NEGR1: variants seen among roughly 807,000 people sequenced by gnomAD.
NEGR1 encodes the protein neuronal growth regulator 1.
NEGR1 carries 10 observed loss-of-function variants against 40.9 expected under a neutral mutation model. The ratio of observed to expected loss-of-function variants is 0.24; its 90% CI spans 0.15 to 0.42. The LOEUF is 0.42. Among genes scored for constraint, NEGR1 ranks in the 10% least tolerant of loss-of-function variants. NEGR1 has a pLI of 1.00. For missense variants in NEGR1, 352 were observed against 438.9 expected, an observed-to-expected ratio of 0.80 and a Z score of 1.77; for synonymous variants, 185 against 166.8, an observed-to-expected ratio of 1.11 and a Z score of -0.84.
At position 71,745,312 on chromosome 1, in the gene NEGR1, G is replaced by A. The variant is rs575060736; in HGVS notation, c.535+30860C>T. Reference sequence around the variant, plus strand: ...CATCTATACATGCTTCCAGTGCAACGTCTAAAAATCTTGGCTGGCTGCTCT... The same window carrying A: ...CATCTATACATGCTTCCAGTGCAACATCTAAAAATCTTGGCTGGCTGCTCT... On this transcript the variant is annotated intron_variant, in intron 3 of 6. Coordinates refer to ENST00000357731, the MANE Select transcript of NEGR1 (RefSeq NM_173808.3). 5.9e-5 allele frequency among the ~76,000 whole-genome samples: 9 copies of A among 152,202 alleles called. No individual in the cohort carries two copies. In the East Asian group the frequency reaches 7.7e-4, roughly 13 times the overall value.
chr1:71,668,330 C>T (rs981948599), intron 4 of NEGR1, among the ~76,000 whole-genome samples: 3 of 152,080 alleles, frequency 2.0e-5, no homozygotes, highest in Non-Finnish European at 2.9e-5. Flanking sequence ...AAGCCTGTGC[C>T]GTTCCCTGGG....
At chr1:72,226,534 G>C (rs1434031508) in intron 1 of NEGR1, among the ~76,000 whole-genome samples, 1 of 151,882 alleles carries the variant, frequency 6.6e-6, no homozygotes, top group Non-Finnish European at 1.5e-5. Context: ...ATTCCTAACT[G>C]TCCAAGGAGA....
intron 2 of NEGR1, among the ~76,000 whole-genome samples, chr1:71,795,098 G>GA (rs911619732): frequency 6.6e-6 from 1 of 151,954 alleles, no homozygotes; most frequent in Non-Finnish European, 1.5e-5. Context: ...AAGTTGATGA[G>GA]AAAATGAAAA....
chr1:71,617,425 TA>T (rs1352924957), intron 4 of NEGR1, among the ~76,000 whole-genome samples: 3 of 152,224 alleles, frequency 2.0e-5, no homozygotes, highest in African/African-American at 4.8e-5. Context: ...ATGTGGGATA[TA>T]TTTTTCAGGA....
chr1:71,427,278 T>C (rs1307484002), intron 6 of NEGR1, among the ~76,000 whole-genome samples: 1 of 152,208 alleles, frequency 6.6e-6, no homozygotes, highest in East Asian at 1.9e-4. Flanking sequence ...GTGATCCAGA[T>C]TGCACAGCAT....
At chr1:71,561,070 T>A (rs1648442216) in intron 6 of NEGR1, among the ~76,000 whole-genome samples, 1 of 151,488 alleles carries the variant, frequency 6.6e-6, no homozygotes. Context: ...ATGATGTACA[T>A]AAAGTCCATA....
At chr1:71,928,314 A>G (rs867476983) in intron 2 of NEGR1, among the ~76,000 whole-genome samples, 298 of 99,022 alleles carry the variant, frequency 3.0e-3, no homozygotes, top group African/African-American at 0.011. Context: ...ATACACACAT[A>G]TGTATATACG....
At chr1:71,457,513 A>C (rs1400039950) in intron 6 of NEGR1, among the ~76,000 whole-genome samples, 1 of 152,150 alleles carries the variant, frequency 6.6e-6, no homozygotes, top group African/African-American at 2.4e-5. Context: ...GGTCCTAGGA[A>C]AAAGAGGAAA....
chr1:71,477,443 G>C (rs1313760476), intron 6 of NEGR1: 1 of 152,100 alleles, frequency 6.6e-6, no homozygotes, highest in Non-Finnish European at 1.5e-5. Flanking sequence ...GAGACTGCTA[G>C]GGTGCTGAAG....
At chr1:71,410,070 T>C (rs751988444) in intron 6 of NEGR1, among the ~76,000 whole-genome samples, 4 of 152,086 alleles carry the variant, frequency 2.6e-5, no homozygotes, top group Non-Finnish European at 4.4e-5. Context: ...AACAAAGATA[T>C]TACCAATAGC....
At chr1:72,046,047 T>G (rs988508884) in intron 1 of NEGR1, among the ~76,000 whole-genome samples, 1 of 151,440 alleles carries the variant, frequency 6.6e-6, no homozygotes, top group Non-Finnish European at 1.5e-5. Context: ...AACAGGGCAA[T>G]AGAGAGAGAA....
intron 2 of NEGR1, among the ~76,000 whole-genome samples, chr1:71,919,820 T>G (rs1645685226): frequency 6.6e-6 from 1 of 152,200 alleles, no homozygotes; most frequent in South Asian, 2.1e-4. Flanking sequence ...TTTCACCATT[T>G]CTTCATATAT....
At chr1:72,029,874 C>T (rs1200639334) in intron 1 of NEGR1, among the ~76,000 whole-genome samples, 4 of 151,894 alleles carry the variant, frequency 2.6e-5, no homozygotes, top group Admixed American at 2.6e-4. Context: ...TTTTTATGCC[C>T]CATCTAATTT....
At chr1:71,925,318 C>T (rs140295092) in intron 2 of NEGR1, among the ~76,000 whole-genome samples, 19 of 152,274 alleles carry the variant, frequency 1.2e-4, no homozygotes, top group Admixed American at 2.6e-4. Flanking sequence ...CCTGCAAATG[C>T]GGGCTAGAAA....
chr1:71,398,137 A>G lies in NEGR1; in HGVS notation c.*9309T>C, dbSNP rs1354655136. The G allele has an allele frequency of 6.6e-6, 1 of 152,256 alleles. No homozygotes were observed. Among genetic ancestry groups the G allele is most frequent in the Non-Finnish European group, 1.5e-5 (1 of 68,060 alleles). 9.4% of individuals were successfully genotyped at this position (152,256 alleles called of 1,614,324 possible). On this transcript the variant is annotated 3_prime_UTR_variant, in exon 7 of 7. Transcript: ENST00000357731. Reference sequence around the variant, plus strand: ...GCCCAGAATGAAGTTCTCCTCATGGAGAACCTCTGCTAGGGCAGTGCAGAA... The same window carrying G: ...GCCCAGAATGAAGTTCTCCTCATGGGGAACCTCTGCTAGGGCAGTGCAGAA...
At chr1:72,241,272 A>G (rs955941222) in intron 1 of NEGR1, among the ~76,000 whole-genome samples, 4 of 151,808 alleles carry the variant, frequency 2.6e-5, no homozygotes, top group African/African-American at 4.8e-5. Flanking sequence ...GAGACAAAAA[A>G]GCAGTCCCAG....
At chr1:71,943,064 G>GTATA (rs745544128) in intron 1 of NEGR1, among the ~76,000 whole-genome samples, 3 of 127,994 alleles carry the variant, frequency 2.3e-5, no homozygotes, top group Non-Finnish European at 3.4e-5. Context: ...ATATGTGTGT[G>GTATA]TATATATATG....
intron 4 of NEGR1, among the ~76,000 whole-genome samples, chr1:71,644,712 G>A (rs1246034486): frequency 6.6e-6 from 1 of 151,782 alleles, no homozygotes; most frequent in Non-Finnish European, 1.5e-5. Flanking sequence ...GATTAAATAG[G>A]AAAAATATTA....
chr1:72,161,676 C>CTTTTTTTTTTTTTTTTTTT (rs779074685), intron 1 of NEGR1, among the ~76,000 whole-genome samples: 5 of 84,556 alleles, frequency 5.9e-5, no homozygotes, highest in Non-Finnish European at 8.7e-5. Flanking sequence ...TTCTTTCTTT[C>CTTTTTTTTTTTTTTTTTTT]TTTTTTTTTT....
Sources: allele counts gnomAD v4.1 joint callset (sites outside exome capture counted in the v4.1 genomes callset), GRCh38; gene constraint gnomAD v4.1.1; transcripts MANE v1.5; gene names NCBI Gene and HGNC (gene_info 2026-07-23, HGNC 2026-07-21).